Variants in RBP4 observed in about 807,000 individuals in gnomAD.
The protein encoded by RBP4 is retinol binding protein 4.
RBP4 carries 9 observed loss-of-function variants against 26.2 expected under a neutral mutation model. The observed-to-expected ratio is 0.34, with a 90% CI of 0.21 to 0.60. The LOEUF (loss-of-function observed/expected upper bound fraction) is 0.60, where lower values mean the gene tolerates loss of function less well. Ranked by LOEUF, RBP4 falls within the 20% of genes least tolerant of loss-of-function variation. RBP4 has a pLI of 0.80. For missense variants in RBP4, 244 were observed against 271.3 expected (o/e 0.90, Z 0.71); for synonymous variants, 114 against 111.0 (o/e 1.03, Z -0.17).
At position 93,600,373 on chromosome 10, in the gene RBP4, C is replaced by T. The variant is rs1017732870; in HGVS notation, c.355+20G>A. 1 of 1,606,420 alleles carries T rather than the reference C, an allele frequency of 6.2e-7. No homozygotes were observed. ...TAGGCGCCCCATTCCCAAGACAGTC[C>T]CACAGAGCTGACTACTCACTTCCTT... is the stretch of plus-strand genomic sequence containing the variant. On this transcript the variant is annotated intron_variant, in intron 4 of 5. Coordinates refer to ENST00000371464, the MANE Select transcript of RBP4 (RefSeq NM_006744.4).
intron 4 of RBP4, among the ~76,000 whole-genome samples, chr10:93,596,190 C>T (rs751310252): frequency 2.7e-5 from 4 of 149,942 alleles, no homozygotes; most frequent in African/African-American, 7.5e-5. Context: ...CTTGGCCGAT[C>T]GGCAGCTTAA....
intron 4 of RBP4, among the ~76,000 whole-genome samples, chr10:93,598,358 T>C (rs923081383): frequency 6.6e-6 from 1 of 152,244 alleles, no homozygotes; most frequent in African/African-American, 2.4e-5. Flanking sequence ...ACTTTGCAGA[T>C]GACGAAATAG....
intron 4 of RBP4, among the ~76,000 whole-genome samples, chr10:93,598,149 C>T (rs2058313730): frequency 2.0e-5 from 3 of 152,208 alleles, no homozygotes; most frequent in Admixed American, 2.0e-4. Context: ...AGACTTGAAC[C>T]CAGTGGTCTC....
chr10:93,600,108 A>G (rs11187547), intron 4 of RBP4, among the ~76,000 whole-genome samples: 64,345 of 152,056 alleles, frequency 0.42, 14,732 homozygotes, highest in African/African-American at 0.59. Context: ...GCATGGAGAA[A>G]GCACACACCT....
chr10:93,592,233 C>G, intron 5 of RBP4, 121 bp from the exon 6 acceptor site: 1 of 843,346 alleles, frequency 1.2e-6, no homozygotes. Flanking sequence ...TCAAATGCAT[C>G]ACAGCAGATT....
At chr10:93,592,156 C>T (rs1204848242) in intron 5 of RBP4, 44 bp from the exon 6 acceptor site, 1 of 1,569,682 alleles carries the variant, frequency 6.4e-7, no homozygotes, top group Admixed American at 1.7e-5. Flanking sequence ...AAAGTGGACC[C>T]AGTTTTTATG....
At chr10:93,592,722 G>A (rs2134566167) in intron 5 of RBP4, among the ~76,000 whole-genome samples, 1 of 152,246 alleles carries the variant, frequency 6.6e-6, no homozygotes, top group Middle Eastern at 3.4e-3. Context: ...GAAGGGTGAA[G>A]CTTCAAAATC....
intron 4 of RBP4, among the ~76,000 whole-genome samples, chr10:93,595,665 G>A (rs1008498825): frequency 2.6e-5 from 4 of 152,242 alleles, no homozygotes; most frequent in Admixed American, 1.3e-4. Context: ...ATCCCCCAGC[G>A]TTAGAGGGTG....
At chr10:93,598,528 C>T (rs1172234765) in intron 4 of RBP4, among the ~76,000 whole-genome samples, 1 of 152,254 alleles carries the variant, frequency 6.6e-6, no homozygotes, top group Admixed American at 6.5e-5. Flanking sequence ...CTTAAGCCTT[C>T]CATATTATAG....
At position 93,592,026 on chromosome 10, in the gene RBP4, A is replaced by T. The variant is rs1444177211; in HGVS notation, c.*49T>A. The T allele has an allele frequency of 1.4e-6, 2 of 1,471,124 alleles. No homozygotes were observed. Among genetic ancestry groups the T allele is most frequent in the Non-Finnish European group, 1.9e-6 (2 of 1,049,728 alleles). 91.1% of individuals were successfully genotyped at this position (1,471,124 alleles called of 1,614,324 possible). A position where few individuals can be genotyped will look rare whatever the true frequency, so the allele number is the denominator to read the frequency against. ...ACTCCTAAGATAAATAGAGCTGAAG[A>T]CTGAGAGCTAATCAGAAGTTCTCAG... On this transcript the variant is annotated 3_prime_UTR_variant, in exon 6 of 6. Transcript: ENST00000371464.
intron 5 of RBP4, among the ~76,000 whole-genome samples, chr10:93,592,371 CT>C (rs2058273082): frequency 6.6e-6 from 1 of 152,208 alleles, no homozygotes; most frequent in African/African-American, 2.4e-5. Context: ...ACAGGGCTTC[CT>C]TTGATTTCTC....
At chr10:93,600,336 G>A (rs1308454984) in intron 4 of RBP4, 57 bp downstream of exon 4, 1 of 1,463,090 alleles carries the variant, frequency 6.8e-7, no homozygotes, top group African/African-American at 1.4e-5. Context: ...GAAACCCAGC[G>A]ATTTGGCCCG....
rs1589682846 is a variant in RBP4 at position 93,591,763 on chromosome 10, T to A, written c.*312A>T. ...AGGCCAAAGGTCAGAAAGAGCCACG[T>A]GCTCCTGGTATAAAGAAGCGCACCC... On this transcript the variant is annotated 3_prime_UTR_variant, in exon 6 of 6. Coordinates refer to ENST00000371464, the MANE Select transcript of RBP4 (RefSeq NM_006744.4). 2.8e-6 allele frequency: 1 copy of A among 359,962 alleles called. No homozygotes were observed. Among genetic ancestry groups the A allele is most frequent in the East Asian group, 5.6e-5 (1 of 17,838 alleles). 22.3% of individuals were successfully genotyped at this position (359,962 alleles called of 1,614,324 possible). A position where few individuals can be genotyped will look rare whatever the true frequency, so the allele number is the denominator to read the frequency against.
In RBP4 at chr10:93,600,723, G is replaced by A. The variant is rs1454300029; in HGVS notation, c.192C>T (p.Ser64=). The change falls in exon 3 of 6, where the codon TCC becomes TCT. Residue 64 remains serine (S), a synonymous_variant. Coordinates refer to ENST00000371464, the MANE Select transcript of RBP4 (RefSeq NM_006744.4). Reference sequence around the variant, plus strand: ...CGCTCATCTGGCCGGTCTCGTCCACGGAGAACTCCGCGACGATGTTGTCCT... The same window carrying A: ...CGCTCATCTGGCCGGTCTCGTCCACAGAGAACTCCGCGACGATGTTGTCCT... The part of the protein sequence containing the change: ...FLQDNIVAEF[S]VDETGQMSAT... The A allele has an allele frequency of 6.2e-7, 1 of 1,610,792 alleles. No individual in the cohort carries two copies. The highest frequency in any genetic ancestry group is 8.5e-7 in the Non-Finnish European group (1 of 1,178,708).
chr10:93,599,581 TG>T (rs2058322838), intron 4 of RBP4, among the ~76,000 whole-genome samples: 1 of 152,188 alleles, frequency 6.6e-6, no homozygotes, highest in South Asian at 2.1e-4. Flanking sequence ...TGCATGTCCT[TG>T]GGCAAAGTTC....
At chr10:93,601,397 G>A (rs2058338765), upstream of RBP4, 2 of 1,268,888 alleles carry the variant, frequency 1.6e-6, no homozygotes, top group South Asian at 2.9e-5. Flanking sequence ...CTGTGGGCCG[G>A]CCTCACCTCC....
At position 93,600,781 on chromosome 10, in the gene RBP4, A is replaced by C. The variant is rs374519908; in HGVS notation, c.134T>G (p.Met45Arg). The change falls in exon 3 of 6, where the codon ATG becomes AGG. Residue 45 changes from methionine (M) to arginine (R), a missense_variant. Physicochemically the swap from Met to Arg is moderately conservative, Grantham distance 91 (BLOSUM62 -1). Transcript: ENST00000371464. ...KARFSGTWYA[M>R]AKKDPEGLFL... ...GAGGCCCTCGGGGTCCTTCTTGGCC[A>C]TGGCGTACCAGGTCCCAGAGAACTG... 6.4e-7 allele frequency: 1 copy of C among 1,560,894 alleles called. No individual in the cohort carries two copies. The highest frequency in any genetic ancestry group is 1.4e-5 in the African/African-American group (1 of 72,426).
intron 4 of RBP4, among the ~76,000 whole-genome samples, chr10:93,598,581 G>A (rs1331917321): frequency 2.0e-5 from 3 of 152,224 alleles, no homozygotes. Flanking sequence ...CAAGATGGCA[G>A]TACTTTTTCG....
upstream of RBP4, chr10:93,601,654 C>G (rs1330472892): frequency 2.6e-6 from 2 of 778,054 alleles, no homozygotes; most frequent in Non-Finnish European, 2.4e-6. Context: ...CCTGGCCATG[C>G]CAAATTGGCG....
Sources: allele counts gnomAD v4.1 joint callset (sites outside exome capture counted in the v4.1 genomes callset), GRCh38; gene constraint gnomAD v4.1.1; transcripts MANE v1.5; gene names NCBI Gene and HGNC (gene_info 2026-07-23, HGNC 2026-07-21).